Variants in OR2M4 observed in about 807,000 individuals in gnomAD.
The protein encoded by OR2M4 is olfactory receptor family 2 subfamily M member 4.
Under a neutral mutation model 13.7 loss-of-function variants are expected in OR2M4, and 8 were observed. The ratio of observed to expected loss-of-function variants is 0.58; its 90% CI spans 0.34 to 1.05. The LOEUF (loss-of-function observed/expected upper bound fraction) is 1.05. Ranked by LOEUF, OR2M4 falls within the 50% of genes least tolerant of loss-of-function variation. The pLI is 0.02. For synonymous variants in OR2M4, 152 were observed against 141.3 expected, an observed-to-expected ratio of 1.08 and a Z score of -0.53; for missense variants, 374 against 381.6, an observed-to-expected ratio of 0.98 and a Z score of 0.17.
intron 1 of OR2M4, among the ~76,000 whole-genome samples, chr1:248,232,834 G>A (rs1016504095): frequency 1.3e-5 from 2 of 152,014 alleles, no homozygotes; most frequent in Non-Finnish European, 1.5e-5. Context: ...ATTCTTGTAG[G>A]AAATTTGGAT....
chr1:248,235,851 G>C (rs1666551524), intron 1 of OR2M4, among the ~76,000 whole-genome samples: 1 of 152,062 alleles, frequency 6.6e-6, no homozygotes, highest in South Asian at 2.1e-4. Context: ...CGTTGATTTT[G>C]TATCCTGAGA....
intron 1 of OR2M4, among the ~76,000 whole-genome samples, chr1:248,236,383 A>G (rs1048209621): frequency 6.6e-6 from 1 of 152,224 alleles, no homozygotes; most frequent in Non-Finnish European, 1.5e-5. Flanking sequence ...GAGACAATGT[A>G]TCAAAATCTC....
chr1:248,240,790 A>T lies in OR2M4; in HGVS notation c.*926A>T, dbSNP rs1488086170. On this transcript the variant is annotated 3_prime_UTR_variant, in exon 2 of 2. Coordinates refer to ENST00000641868, the MANE Select transcript of OR2M4 (RefSeq NM_017504.2). ...CCACCCCTCTCTCACCACTGACAGA[A>T]GGAACAGTGTGCTAAGAGTGTCTCT... is the stretch of plus-strand genomic sequence containing the variant. 6.6e-6 allele frequency: 1 copy of T among 152,310 alleles called. No homozygotes were observed. Among genetic ancestry groups the T allele is most frequent in the Non-Finnish European group, 1.5e-5 (1 of 68,098 alleles). The allele number at this position is 152,310 out of a possible 1,614,324, so 9.4% of individuals were successfully genotyped here. A position where few individuals can be genotyped will look rare whatever the true frequency, so the allele number is the denominator to read the frequency against.
intron 1 of OR2M4, among the ~76,000 whole-genome samples, chr1:248,236,779 A>G (rs146912661): frequency 0.011 from 1,636 of 152,302 alleles, 33 homozygotes; most frequent in African/African-American, 0.037. Flanking sequence ...TGAGAATACT[A>G]TTAACACCTC....
rs1023971061 is a variant in OR2M4 at position 248,242,553 on chromosome 1, C to T, written c.*2689C>T. 3.9e-5 allele frequency: 6 copies of T among 152,240 alleles called. No individual in the cohort carries two copies. The highest frequency in any genetic ancestry group is 1.2e-4 in the African/African-American group (5 of 41,452). 9.4% of individuals were successfully genotyped at this position (152,240 alleles called of 1,614,324 possible). On this transcript the variant is annotated 3_prime_UTR_variant, in exon 2 of 2. Transcript: ENST00000641868. ...GATTACATGCGTCAGCCACAGCACCCAGCCCCGAGTTTTACAAAGATTTAC... is the reference window on the plus strand; with the variant it reads ...GATTACATGCGTCAGCCACAGCACCTAGCCCCGAGTTTTACAAAGATTTAC...
chr1:248,236,252 G>A (rs1029180899), intron 1 of OR2M4, among the ~76,000 whole-genome samples: 8 of 152,052 alleles, frequency 5.3e-5, no homozygotes, highest in African/African-American at 1.9e-4. Context: ...TCAAGACCAA[G>A]AAACTCACTC....
At chr1:248,237,262 C>T (rs907477109) in intron 1 of OR2M4, among the ~76,000 whole-genome samples, 2 of 152,110 alleles carry the variant, frequency 1.3e-5, no homozygotes, top group Admixed American at 1.3e-4. Flanking sequence ...AAACAATAAA[C>T]ATAATTCATC....
intron 1 of OR2M4, among the ~76,000 whole-genome samples, chr1:248,235,439 G>A (rs557686654): frequency 4.1e-4 from 62 of 152,302 alleles, no homozygotes; most frequent in African/African-American, 1.5e-3. Context: ...CGAGTAGTGT[G>A]ATGCCTCCAG....
chr1:248,238,119 C>T (rs1390950255), intron 1 of OR2M4, among the ~76,000 whole-genome samples: 1 of 151,844 alleles, frequency 6.6e-6, no homozygotes, highest in Non-Finnish European at 1.5e-5. Context: ...AAAATGTGCC[C>T]CCATAGATAT....
chr1:248,236,163 A>G (rs1666554396), intron 1 of OR2M4, among the ~76,000 whole-genome samples: 2 of 152,190 alleles, frequency 1.3e-5, no homozygotes, highest in African/African-American at 4.8e-5. Flanking sequence ...AATTGGTAAT[A>G]AAGCACTCCT....
chr1:248,239,321 G>T lies in OR2M4; in HGVS notation c.393G>T (p.Gln131His). 6.2e-7 allele frequency: 1 copy of T among 1,614,014 alleles called. No homozygotes were observed. Among genetic ancestry groups the T allele is most frequent in the Non-Finnish European group, 8.5e-7 (1 of 1,180,004 alleles). The part of the protein sequence containing the change: ...DRYVAICHPL[Q>H]YTILMNPKLC... ...ATGTGGCTATATGTCACCCTCTTCA[G>T]TACACCATCCTCATGAATCCGAAAC... Residue 131 changes from glutamine (Q) to histidine (H), a missense_variant, in exon 2 of 2, where the codon CAG becomes CAT. Physicochemically the swap from Gln to His is conservative, Grantham distance 24. Coordinates refer to ENST00000641868, the MANE Select transcript of OR2M4 (RefSeq NM_017504.2).
At chr1:248,234,919 G>C (rs1052667837) in intron 1 of OR2M4, among the ~76,000 whole-genome samples, 1 of 149,808 alleles carries the variant, frequency 6.7e-6, no homozygotes, top group South Asian at 2.1e-4. Flanking sequence ...TTATCATATG[G>C]GTAGATTCCA....
In OR2M4 at chr1:248,239,631, C is replaced by T. The variant is rs200070415; in HGVS notation, c.703C>T (p.Arg235Cys). 35 of 1,613,998 alleles carry T rather than the reference C, an allele frequency of 2.2e-5. No homozygotes were observed. In the East Asian group the frequency reaches 2.2e-4, roughly 10 times the overall value. The change falls in exon 2 of 2, where the codon CGC becomes TGC. Residue 235 changes from arginine to cysteine, a missense_variant. Coordinates refer to ENST00000641868, the MANE Select transcript of OR2M4 (RefSeq NM_017504.2). Reference protein sequence around the residue: ...VIHMGSGESRRKAFTTCSSHL... With the variant: ...VIHMGSGESRCKAFTTCSSHL... ...CCACATGGGCTCTGGGGAAAGTCGT[C>T]GCAAGGCCTTCACTACCTGCTCCTC...
rs757424073 is a variant in OR2M4 at position 248,239,100 on chromosome 1, C to T, written c.172C>T (p.Pro58Ser). ...LIYIEKQLHT[P>S]MYFLLSQLSL... ...CTACATAGAGAAACAGCTCCACACC[C>T]CCATGTACTTCCTCCTCAGTCAACT... The change falls in exon 2 of 2, where the codon CCC (proline) becomes TCC (serine). Residue 58 changes from proline to serine, a missense_variant. Coordinates refer to ENST00000641868, the MANE Select transcript of OR2M4 (RefSeq NM_017504.2). 1.9e-6 allele frequency: 3 copies of T among 1,614,046 alleles called. No individual in the cohort carries two copies. In the South Asian group the frequency reaches 3.3e-5, roughly 18 times the overall value.
chr1:248,237,681 A>C (rs1186564245), intron 1 of OR2M4, among the ~76,000 whole-genome samples: 2 of 151,934 alleles, frequency 1.3e-5, no homozygotes, highest in East Asian at 1.9e-4. Flanking sequence ...CAAAACAAAA[A>C]AACTCTCAAT....
At chr1:248,234,363 GC>G (rs1157075946) in intron 1 of OR2M4, among the ~76,000 whole-genome samples, 1 of 151,832 alleles carries the variant, frequency 6.6e-6, no homozygotes, top group Non-Finnish European at 1.5e-5. Flanking sequence ...GTAAATGTGT[GC>G]CATGGTGGTT....
rs1230166930 is a variant in OR2M4 at position 248,243,674 on chromosome 1, AAACATTTGC to A, written c.*3815_*3823del. On this transcript the variant is annotated 3_prime_UTR_variant, in exon 2 of 2. Coordinates refer to ENST00000641868, the MANE Select transcript of OR2M4 (RefSeq NM_017504.2). ...AAATAATTTTTGGCTAATTTCCCAAAAACATTTGCAACAAAAATTGACAAGCTAGACCTA... is the reference window on the plus strand; with the variant it reads ...AAATAATTTTTGGCTAATTTCCCAAAAACAAAAATTGACAAGCTAGACCTA... 4 of 152,216 alleles carry A rather than the reference AAACATTTGC, an allele frequency of 2.6e-5. No homozygotes were observed. The highest frequency in any genetic ancestry group is 6.5e-5 in the Admixed American group (1 of 15,284). 9.4% of individuals were successfully genotyped at this position (152,216 alleles called of 1,614,324 possible).
chr1:248,244,524 A>G lies in OR2M4; in HGVS notation c.*4660A>G, dbSNP rs182122912. The G allele has an allele frequency of 2.6e-5, 4 of 152,284 alleles. No homozygotes were observed. The highest frequency in any genetic ancestry group is 9.6e-5 in the African/African-American group (4 of 41,554). The allele number at this position is 152,284 out of a possible 1,614,324, so 9.4% of individuals were successfully genotyped here. ...GGATGTAAAGATGGAAACAATAGAC[A>G]CTGTGGACTACCAAATGGGGAAGGA... On this transcript the variant is annotated 3_prime_UTR_variant, in exon 2 of 2. Coordinates refer to ENST00000641868, the MANE Select transcript of OR2M4 (RefSeq NM_017504.2).
Position 248,243,958 on chromosome 1 carries a change from T to C in OR2M4, c.*4094T>C, listed in dbSNP as rs1041459193. 3.3e-5 allele frequency: 5 copies of C among 152,190 alleles called. No homozygotes were observed. The East Asian group carries it at 5.8e-4, about 18-fold the overall frequency. The allele number at this position is 152,190 out of a possible 1,614,324, so 9.4% of individuals were successfully genotyped here. On this transcript the variant is annotated 3_prime_UTR_variant, in exon 2 of 2. Coordinates refer to ENST00000641868, the MANE Select transcript of OR2M4 (RefSeq NM_017504.2). ...AACATGAAAAAATGGTCATCATAGT[T>C]AGTTATGAGAGAAATGCAAATCAAA...
Sources: gnomAD v4.1 joint callset for allele counts (sites outside exome capture counted in the v4.1 genomes callset) on GRCh38, gnomAD v4.1.1 for gene constraint, MANE v1.5 for transcripts, NCBI Gene and HGNC (gene_info 2026-07-23, HGNC 2026-07-21) for gene names.